Variants in NAALADL2 observed in about 807,000 individuals in gnomAD.
NAALADL2 encodes N-acetylated alpha-linked acidic dipeptidase like 2, also known as inactive N-acetylated-alpha-linked acidic dipeptidase-like protein 2.
NAALADL2 carries 76 observed loss-of-function variants against 87.2 expected under a neutral mutation model. The ratio of observed to expected loss-of-function variants is 0.87; its 90% CI spans 0.72 to 1.05. NAALADL2 has a LOEUF of 1.05. Among genes scored for constraint, NAALADL2 ranks in the 50% least tolerant of loss-of-function variants. The probability of loss-of-function intolerance (pLI) is 0.00; values close to 1 mark genes in which losing one functional copy is unlikely to be tolerated. For missense variants in NAALADL2, 1,089 were observed against 945.8 expected (o/e 1.15, Z -1.99); for synonymous variants, 354 against 331.0 (o/e 1.07, Z -0.75).
At chr3:174,716,199 G>C (rs956351354) in intron 2 of NAALADL2, among the ~76,000 whole-genome samples, 2 of 152,012 alleles carry the variant, frequency 1.3e-5, no homozygotes, top group African/African-American at 4.8e-5. Context: ...CTGATGAAGG[G>C]CACAGCTCTA....
At chr3:175,074,203 A>G (rs776315949) in intron 1 of NAALADL2, among the ~76,000 whole-genome samples, 1 of 152,136 alleles carries the variant, frequency 6.6e-6, no homozygotes, top group Non-Finnish European at 1.5e-5. Flanking sequence ...TGAAGCAGGT[A>G]TGATTAGATT....
intron 3 of NAALADL2, among the ~76,000 whole-genome samples, chr3:174,757,761 C>T (rs1712323754): frequency 6.6e-6 from 1 of 152,036 alleles, no homozygotes. Context: ...CCTCAGCCTC[C>T]CAAAGTGCTA....
At chr3:174,861,339 A>G (rs553923068) in intron 1 of NAALADL2, among the ~76,000 whole-genome samples, 9 of 150,712 alleles carry the variant, frequency 6.0e-5, no homozygotes, top group African/African-American at 2.2e-4. Flanking sequence ...ATTTCTTTAC[A>G]TTATAAAGGC....
At chr3:175,646,737 G>A (rs774085031) in intron 11 of NAALADL2, among the ~76,000 whole-genome samples, 2 of 152,066 alleles carry the variant, frequency 1.3e-5, no homozygotes, top group Non-Finnish European at 2.9e-5. Flanking sequence ...TTACCTGGTT[G>A]CCAGATCATC....
intron 11 of NAALADL2, among the ~76,000 whole-genome samples, chr3:175,721,914 T>G (rs1742292571): frequency 6.6e-6 from 1 of 152,078 alleles, no homozygotes; most frequent in African/African-American, 2.4e-5. Flanking sequence ...TGTCATAAAA[T>G]GCAATGGGCA....
chr3:174,773,551 T>C (rs1714837326), intron 3 of NAALADL2, among the ~76,000 whole-genome samples: 1 of 152,248 alleles, frequency 6.6e-6, no homozygotes, highest in Non-Finnish European at 1.5e-5. Flanking sequence ...TATGAACATA[T>C]CTAGTTAAAG....
intron 3 of NAALADL2, among the ~76,000 whole-genome samples, chr3:174,849,322 C>A (rs1371331082): frequency 6.6e-6 from 1 of 152,096 alleles, no homozygotes; most frequent in Admixed American, 6.6e-5. Flanking sequence ...TAATAACATT[C>A]AGCTTAAAAC....
At chr3:175,241,215 A>T (rs9881649) in intron 3 of NAALADL2, among the ~76,000 whole-genome samples, 3,077 of 148,182 alleles carry the variant, frequency 0.021, 103 homozygotes, top group African/African-American at 0.075. Flanking sequence ...TTCATTTTTT[A>T]AAAAAAATTC....
intron 2 of NAALADL2, among the ~76,000 whole-genome samples, chr3:175,206,321 TACACAC>T (rs750959695): frequency 8.6e-6 from 1 of 116,868 alleles, no homozygotes; most frequent in Non-Finnish European, 1.7e-5. Flanking sequence ...TACACATACA[TACACAC>T]ACACACACAT....
intron 5 of NAALADL2, among the ~76,000 whole-genome samples, chr3:175,405,681 A>G (rs1037400101): frequency 1.3e-5 from 2 of 150,406 alleles, no homozygotes; most frequent in Non-Finnish European, 3.0e-5. Flanking sequence ...TGCTGGAGAA[A>G]TAACAATGAA....
chr3:175,551,830 G>A lies in NAALADL2; in HGVS notation c.1654-24211G>A, dbSNP rs542850536. Reference sequence around the variant, plus strand: ...GGAGAATGGCGTGAACCTGGGAGGCGGAGTTTGCTGTGAACCTGGGAGGTG... The same window carrying A: ...GGAGAATGGCGTGAACCTGGGAGGCAGAGTTTGCTGTGAACCTGGGAGGTG... On this transcript the variant is annotated intron_variant, in intron 9 of 13. Transcript: ENST00000454872. 3.4e-4 allele frequency among the ~76,000 whole-genome samples: 51 copies of A among 151,604 alleles called. 1 individual carries two copies. The highest frequency in any genetic ancestry group is 2.7e-3 in the Admixed American group (41 of 15,232).
intron 1 of NAALADL2, among the ~76,000 whole-genome samples, chr3:174,915,184 T>G (rs1207706955): frequency 6.6e-6 from 1 of 152,194 alleles, no homozygotes; most frequent in Admixed American, 6.6e-5. Context: ...ATTGGATAGA[T>G]TATTTCATAT....
rs546249872 is a variant in NAALADL2 at position 175,104,453 on chromosome 3, C to T, written c.545+7162C>T. The stretch of plus-strand genomic sequence containing the variant: ...TGCTGTTGTTTGATGATGGTGATGT[C>T]ATCAGCAACTGTTCTCTTCTAGTCT... On this transcript the variant is annotated intron_variant, in intron 2 of 13. Transcript: ENST00000454872. 1.6e-4 allele frequency among the ~76,000 whole-genome samples: 24 copies of T among 152,266 alleles called. No individual in the cohort carries two copies. In the South Asian group the frequency reaches 5.0e-3, roughly 32 times the overall value.
At chr3:174,488,268 C>A (rs546294201) in intron 1 of NAALADL2, among the ~76,000 whole-genome samples, 1 of 152,120 alleles carries the variant, frequency 6.6e-6, no homozygotes, top group African/African-American at 2.4e-5. Context: ...TCAGCTTGAT[C>A]TGGTTTTAAA....
At chr3:175,601,010 C>T (rs982653274) in intron 10 of NAALADL2, among the ~76,000 whole-genome samples, 1 of 152,056 alleles carries the variant, frequency 6.6e-6, no homozygotes, top group African/African-American at 2.4e-5. Context: ...TTAGTCTTTC[C>T]ATCTGCATTT....
intron 3 of NAALADL2, among the ~76,000 whole-genome samples, chr3:174,763,668 A>C (rs1294332858): frequency 6.6e-6 from 1 of 151,034 alleles, no homozygotes; most frequent in African/African-American, 2.4e-5. Context: ...AAGTTCAGTG[A>C]ATTTGCAATG....
chr3:175,606,387 C>CT (rs372448967), intron 10 of NAALADL2, among the ~76,000 whole-genome samples: 54,419 of 147,344 alleles, frequency 0.37, 10,144 homozygotes, highest in Middle Eastern at 0.42. Context: ...AGAAACTAGC[C>CT]TTTTTTTTTT....
chr3:174,819,470 G>C (rs67145266), intron 3 of NAALADL2, among the ~76,000 whole-genome samples: 15,810 of 151,836 alleles, frequency 0.1, 964 homozygotes, highest in Middle Eastern at 0.15. Context: ...ATGTAACATA[G>C]AGGTATAAAA....
intron 10 of NAALADL2, among the ~76,000 whole-genome samples, chr3:175,622,936 G>A (rs1726431741): frequency 6.6e-6 from 1 of 151,970 alleles, no homozygotes; most frequent in Non-Finnish European, 1.5e-5. Flanking sequence ...CAATAAAATA[G>A]AAGACATAAC....
Sources: allele counts gnomAD v4.1 joint callset (sites outside exome capture counted in the v4.1 genomes callset), GRCh38; gene constraint gnomAD v4.1.1; transcripts MANE v1.5; gene names NCBI Gene and HGNC (gene_info 2026-07-23, HGNC 2026-07-21).